GRID1: variants seen among roughly 807,000 people sequenced by gnomAD.
GRID1 encodes glutamate receptor ionotropic, delta-1.
Under a neutral mutation model 98.0 loss-of-function variants are expected in GRID1, and 28 were observed. That is an observed-to-expected ratio of 0.29 (90% CI 0.21 to 0.39). The LOEUF is 0.39. Ranked by LOEUF, GRID1 falls within the 10% of genes least tolerant of loss-of-function variation. The pLI, the probability that GRID1 is intolerant of heterozygous loss-of-function variation, is 1.00. For synonymous variants in GRID1, 553 were observed against 538.5 expected (o/e 1.03, Z -0.37); for missense variants, 1,111 against 1,340.5 (o/e 0.83, Z 2.67).
rs557486226 is a variant in GRID1 at position 86,344,480 on chromosome 10, C to T, written c.235+19461G>A. 1.1e-4 allele frequency among the ~76,000 whole-genome samples: 16 copies of T among 152,344 alleles called. No individual in the cohort carries two copies. The South Asian group carries it at 3.3e-3, about 32-fold the overall frequency. On this transcript the variant is annotated intron_variant, in intron 2 of 15. Coordinates refer to ENST00000327946, the MANE Select transcript of GRID1 (RefSeq NM_017551.3). ...AAGACTGGCCCACATGTGCCCCACA[C>T]TGGACCAGAAGCTAGGGGAGGAGCA...
chr10:86,307,129 G>C (rs1209541138), intron 2 of GRID1, among the ~76,000 whole-genome samples: 1 of 152,126 alleles, frequency 6.6e-6, no homozygotes. Flanking sequence ...AACAGTATTG[G>C]GTATTGGCAG....
chr10:85,711,767 A>T (rs1841584446), intron 12 of GRID1, among the ~76,000 whole-genome samples: 1 of 151,860 alleles, frequency 6.6e-6, no homozygotes. Context: ...AACTAAATAT[A>T]GAAGATTATC....
chr10:85,847,050 T>G (rs1843013124), intron 8 of GRID1, among the ~76,000 whole-genome samples: 1 of 152,146 alleles, frequency 6.6e-6, no homozygotes, highest in South Asian at 2.1e-4. Context: ...AGAGAGAAAT[T>G]CTGCCAATGT....
chr10:85,724,062 C>T (rs1841733703), intron 11 of GRID1, among the ~76,000 whole-genome samples: 1 of 152,120 alleles, frequency 6.6e-6, no homozygotes, highest in Non-Finnish European at 1.5e-5. Context: ...ATGTGCATAG[C>T]AATCACTTTA....
chr10:85,902,986 C>A (rs1398337498), intron 5 of GRID1, among the ~76,000 whole-genome samples: 1 of 152,122 alleles, frequency 6.6e-6, no homozygotes, highest in African/African-American at 2.4e-5. Context: ...GCTTCACATG[C>A]CCCAGAGGTG....
chr10:85,978,522 C>A (rs1440647335), intron 4 of GRID1, among the ~76,000 whole-genome samples: 2 of 152,216 alleles, frequency 1.3e-5, no homozygotes, highest in African/African-American at 4.8e-5. Context: ...CACATTGTTA[C>A]ACTGATCACA....
chr10:86,055,058 A>C (rs931992872), intron 4 of GRID1, among the ~76,000 whole-genome samples: 3 of 152,208 alleles, frequency 2.0e-5, no homozygotes, highest in African/African-American at 7.2e-5. Context: ...AAGCCACATG[A>C]GCCAAGGCCA....
At chr10:85,872,751 T>C (rs562437261) in intron 5 of GRID1, among the ~76,000 whole-genome samples, 1 of 152,176 alleles carries the variant, frequency 6.6e-6, no homozygotes, top group South Asian at 2.1e-4. Flanking sequence ...TTAGCTGCCA[T>C]ATGTCTTCCT....
chr10:86,230,268 A>C (rs1846430189), intron 2 of GRID1, among the ~76,000 whole-genome samples: 1 of 151,552 alleles, frequency 6.6e-6, no homozygotes, highest in Non-Finnish European at 1.5e-5. Context: ...CAATCATATC[A>C]AGAACTACGG....
At chr10:85,664,689 G>C (rs749049308) in intron 12 of GRID1, among the ~76,000 whole-genome samples, 1 of 152,136 alleles carries the variant, frequency 6.6e-6, no homozygotes, top group Non-Finnish European at 1.5e-5. Context: ...GTTTCATTTC[G>C]CACAAAGGAA....
At chr10:85,875,922 T>C (rs967277245) in intron 5 of GRID1, among the ~76,000 whole-genome samples, 1 of 152,242 alleles carries the variant, frequency 6.6e-6, no homozygotes, top group African/African-American at 2.4e-5. Context: ...GGGGTCATCT[T>C]CCTTCTCCTG....
chr10:86,331,015 C>T (rs1361972373), intron 2 of GRID1, among the ~76,000 whole-genome samples: 1 of 152,128 alleles, frequency 6.6e-6, no homozygotes, highest in Middle Eastern at 3.2e-3. Flanking sequence ...CCAGGCCTCC[C>T]CAGGAACACC....
intron 12 of GRID1, among the ~76,000 whole-genome samples, chr10:85,673,127 G>A (rs1045512171): frequency 6.6e-6 from 1 of 152,154 alleles, no homozygotes; most frequent in Admixed American, 6.5e-5. Flanking sequence ...CTGCATATGT[G>A]GTAGAAATAG....
rs1848683209 is a variant in GRID1 at position 86,366,492 on chromosome 10, C to T, written c.-100G>A. On this transcript the variant is annotated 5_prime_UTR_variant, in exon 1 of 16. Transcript: ENST00000327946. This position sits in a 1 kb window ranked among gnomAD's most constrained non-coding sequence, Gnocchi z 4.1. ...TCCCGGTGCAGTCCCGGGCCGCTCCCCGGGAGAGCCGAGCCCGCCCGTGCG... is the reference window on the plus strand; with the variant it reads ...TCCCGGTGCAGTCCCGGGCCGCTCCTCGGGAGAGCCGAGCCCGCCCGTGCG... The T allele has an allele frequency of 7.5e-6, 5 of 669,360 alleles. No homozygotes were observed. In the South Asian group the frequency reaches 2.4e-4, roughly 33 times the overall value. 41.5% of individuals were successfully genotyped at this position (669,360 alleles called of 1,614,324 possible).
At chr10:86,033,197 T>C (rs1229637396) in intron 4 of GRID1, among the ~76,000 whole-genome samples, 2 of 151,714 alleles carry the variant, frequency 1.3e-5, no homozygotes, top group Admixed American at 6.6e-5. Flanking sequence ...CTGTCCTGAG[T>C]CAAGCAGAAG....
At chr10:86,259,314 C>T (rs1211741200) in intron 2 of GRID1, among the ~76,000 whole-genome samples, 1 of 152,124 alleles carries the variant, frequency 6.6e-6, no homozygotes, top group Non-Finnish European at 1.5e-5. Flanking sequence ...GCAGTCTTTA[C>T]CTCTCTCTCT....
At chr10:85,631,022 T>A (rs1842970956) in intron 13 of GRID1, among the ~76,000 whole-genome samples, 1 of 152,194 alleles carries the variant, frequency 6.6e-6, no homozygotes, top group Non-Finnish European at 1.5e-5. Flanking sequence ...TAAAGGAAAG[T>A]CACACTGAAT....
Position 85,916,327 on chromosome 10 carries a change from A to G in GRID1, c.727-88T>C, listed in dbSNP as rs960009494. ...ATTGCCGAGACAGAGTTTTATAAAC[A>G]TTGTTCTTGGAGAATATTTTCCTCA... is the stretch of plus-strand genomic sequence containing the variant. On this transcript the variant is annotated intron_variant, in intron 4 of 15. Transcript: ENST00000327946. The surrounding 1 kb of genome is among the most constrained non-coding windows in gnomAD (Gnocchi z 4.0). 9.9e-7 allele frequency: 1 copy of G among 1,012,326 alleles called. No homozygotes were observed. Among genetic ancestry groups the G allele is most frequent in the South Asian group, 1.3e-5 (1 of 76,822 alleles). The allele number at this position is 1,012,326 out of a possible 1,614,324, so 62.7% of individuals were successfully genotyped here.
chr10:85,836,194 T>C (rs1208806737), intron 8 of GRID1, among the ~76,000 whole-genome samples: 1 of 150,662 alleles, frequency 6.6e-6, no homozygotes, highest in East Asian at 2.0e-4. Flanking sequence ...AAATTGAAAA[T>C]AGAAATATAA....
Sources: gnomAD v4.1 joint callset for allele counts (sites outside exome capture counted in the v4.1 genomes callset) on GRCh38, gnomAD v4.1.1 for gene constraint, Gnocchi (gnomAD v3.1) non-coding constraint, MANE v1.5 for transcripts, NCBI Gene and HGNC (gene_info 2026-07-23, HGNC 2026-07-21) for gene names.